Variants in SARDH observed in about 807,000 individuals in gnomAD.
SARDH encodes the protein sarcosine dehydrogenase, mitochondrial.
Under a neutral mutation model 109.1 loss-of-function variants are expected in SARDH, and 95 were observed. The ratio of observed to expected loss-of-function variants is 0.87; its 90% CI spans 0.74 to 1.03. The LOEUF (loss-of-function observed/expected upper bound fraction) is 1.03. Among genes scored for constraint, SARDH ranks in the 50% least tolerant of loss-of-function variants. SARDH has a pLI of 0.00. For synonymous variants in SARDH, 572 were observed against 534.8 expected (o/e 1.07, Z -0.96); for missense variants, 1,267 against 1,287.8 (o/e 0.98, Z 0.25).
rs967760843 is a variant in SARDH, at chr9:133,693,965, C to T, written c.1921+293G>A. Among the ~76,000 whole-genome samples, 9 of 152,188 alleles carry T rather than the reference C, an allele frequency of 5.9e-5. No homozygotes were observed. The highest frequency in any genetic ancestry group is 5.8e-4 in the East Asian group (3 of 5,192). ...GGCCTAGCATTGGTACGCTTTGTTC[C>T]GGGAAACCGAGCCGAGCACGCCCAC... On this transcript the variant is annotated intron_variant, in intron 15 of 20. Coordinates refer to ENST00000439388, the MANE Select transcript of SARDH (RefSeq NM_001134707.2). The surrounding 1 kb of genome is among the most constrained non-coding windows in gnomAD (Gnocchi z 5.6).
chr9:133,675,081 T>C (rs1289283793), intron 17 of SARDH, among the ~76,000 whole-genome samples: 3 of 152,274 alleles, frequency 2.0e-5, no homozygotes, highest in South Asian at 2.1e-4. Flanking sequence ...TGGTGGCTCA[T>C]GCCTGTAATC....
At chr9:133,708,501 G>A in intron 10 of SARDH, 73 bp from the exon 11 acceptor site, 1 of 1,518,222 alleles carries the variant, frequency 6.6e-7, no homozygotes, top group Non-Finnish European at 8.8e-7. Context: ...AGGACCCAGG[G>A]TAAGCCTGGA....
In SARDH at chr9:133,712,759, AC is replaced by A. The variant is rs1347657787; in HGVS notation, c.1238-51del. ...TGCGGTCTGCCCCCCAGGGTCCCCC[AC>A]CCATGTCCAAACATGTGCCCCCATC... On this transcript the variant is annotated intron_variant, in intron 9 of 20. Coordinates refer to ENST00000439388, the MANE Select transcript of SARDH (RefSeq NM_001134707.2). This position sits in a 1 kb window ranked among gnomAD's most constrained non-coding sequence, Gnocchi z 4.1. 6.4e-7 allele frequency: 1 copy of A among 1,551,478 alleles called. No individual in the cohort carries two copies. Among genetic ancestry groups the A allele is most frequent in the Admixed American group, 1.7e-5 (1 of 59,550 alleles).
chr9:133,709,088 A>G lies in SARDH; in HGVS notation c.1329-660T>C, dbSNP rs957035006. On this transcript the variant is annotated intron_variant, in intron 10 of 20. Transcript: ENST00000439388. The surrounding 1 kb of genome is among the most constrained non-coding windows in gnomAD (Gnocchi z 4.2). ...GCTGTGTCTGGGGAGCGGCTGCCCA[A>G]TCCAGCGCCTGGGACCGGAGATGAT... 2.0e-5 allele frequency among the ~76,000 whole-genome samples: 3 copies of G among 152,114 alleles called. No individual in the cohort carries two copies. Among genetic ancestry groups the G allele is most frequent in the South Asian group, 2.1e-4 (1 of 4,820 alleles).
Position 133,666,079 on chromosome 9 carries a change from C to G in SARDH, c.2631+656G>C, listed in dbSNP as rs1830054973. Among the ~76,000 whole-genome samples, 1 of 152,234 alleles carries G rather than the reference C, an allele frequency of 6.6e-6. No individual in the cohort carries two copies. Among genetic ancestry groups the G allele is most frequent in the African/African-American group, 2.4e-5 (1 of 41,462 alleles). On this transcript the variant is annotated intron_variant, in intron 20 of 20. Transcript: ENST00000439388. The surrounding 1 kb of genome is among the most constrained non-coding windows in gnomAD (Gnocchi z 5.2). ...ACCACCCCTGGCCACCCAGAGCTGT[C>G]CTGGGACTTGCTCCTGGGGGCAGTG...
At chr9:133,674,924 G>A (rs1056429956) in intron 17 of SARDH, among the ~76,000 whole-genome samples, 9 of 152,226 alleles carry the variant, frequency 5.9e-5, no homozygotes, top group Non-Finnish European at 1.3e-4. Flanking sequence ...CTAACAAAGA[G>A]TGAAAAGGCA....
chr9:133,676,906 A>C (rs557113137), intron 17 of SARDH, among the ~76,000 whole-genome samples: 22 of 152,332 alleles, frequency 1.4e-4, no homozygotes, highest in Non-Finnish European at 2.4e-4. Context: ...TGGGAGGCCG[A>C]GTTGGGCGGA....
At chr9:133,736,743 C>T (rs1468314741) in intron 1 of SARDH, among the ~76,000 whole-genome samples, 3 of 152,194 alleles carry the variant, frequency 2.0e-5, no homozygotes, top group African/African-American at 7.2e-5. Context: ...CACAACAGCC[C>T]TCAATGGAAG....
rs776023460 is a variant in SARDH, at chr9:133,703,021, C to G, written c.1563G>C (p.Glu521Asp). Reference sequence around the variant, plus strand: ...TCCCGTAAGCCCCGTAGTAGTCGTACTCGAGGACCTGGGAAGAAAAGACGT... The same window carrying G: ...TCCCGTAAGCCCCGTAGTAGTCGTAGTCGAGGACCTGGGAAGAAAAGACGT... ...FHPRGPAPVL[E>D]YDYYGAYGSR... is the part of the protein sequence containing the mutation. Residue 521 changes from glutamate (E) to aspartate (D), a missense_variant, in exon 13 of 21, where the codon GAG becomes GAC. Transcript: ENST00000439388. The G allele has an allele frequency of 3.1e-6, 5 of 1,612,994 alleles. No homozygotes were observed. The highest frequency in any genetic ancestry group is 1.7e-5 in the Admixed American group (1 of 59,998).
rs766030317 is a variant in SARDH, at chr9:133,664,060, C to A, written c.2632-46G>T. The A allele has an allele frequency of 1.2e-4, 187 of 1,602,348 alleles. No individual in the cohort carries two copies. In the East Asian group the frequency reaches 4.1e-3, roughly 35 times the overall value. On this transcript the variant is annotated intron_variant, in intron 20 of 20. Transcript: ENST00000439388. ...GAGGATCACTCTCTGTTGGTAGGTA[C>A]AGGGCTCACGTCTGCCTGCTTCTCT...
chr9:133,694,160 C>T (rs960453842), intron 15 of SARDH, 98 bp downstream of exon 15: 34 of 860,070 alleles, frequency 4.0e-5, no homozygotes, highest in African/African-American at 5.1e-5. Context: ...ACAGAGCTGC[C>T]GTCAGCAGCC....
intron 6 of SARDH, among the ~76,000 whole-genome samples, chr9:133,720,750 T>C (rs1473660171): frequency 6.6e-6 from 1 of 152,200 alleles, no homozygotes; most frequent in Non-Finnish European, 1.5e-5. Flanking sequence ...CACCCCATGA[T>C]TCAATTATCT....
At chr9:133,679,668 T>C (rs945434178) in intron 17 of SARDH, among the ~76,000 whole-genome samples, 1 of 152,246 alleles carries the variant, frequency 6.6e-6, no homozygotes, top group Non-Finnish European at 1.5e-5. Flanking sequence ...GTCTGCTGGC[T>C]GCTGAGCGGA....
rs1000618769 is a variant in SARDH at position 133,709,836 on chromosome 9, T to G, written c.1329-1408A>C. The stretch of plus-strand genomic sequence containing the variant: ...CTGAGGCTCGGAAGGGTCTCACAAG[T>G]GTTCACAGTCACACGGCAAGGCCAC... On this transcript the variant is annotated intron_variant, in intron 10 of 20. Coordinates refer to ENST00000439388, the MANE Select transcript of SARDH (RefSeq NM_001134707.2). This position sits in a 1 kb window ranked among gnomAD's most constrained non-coding sequence, Gnocchi z 4.2. Among the ~76,000 whole-genome samples the G allele has an allele frequency of 6.6e-6, 1 of 151,916 alleles. No individual in the cohort carries two copies. Among genetic ancestry groups the G allele is most frequent in the African/African-American group, 2.4e-5 (1 of 41,326 alleles).
chr9:133,662,768 T>A (rs1029313101), downstream of SARDH, among the ~76,000 whole-genome samples: 2 of 152,132 alleles, frequency 1.3e-5, no homozygotes, highest in Non-Finnish European at 2.9e-5. This position sits in a 1 kb window ranked among gnomAD's most constrained non-coding sequence, Gnocchi z 5.1. Context: ...CCCTCAAGCA[T>A]CTGCCTCCCG....
In SARDH at chr9:133,713,036, A is replaced by T. The variant is rs1323403646; in HGVS notation, c.1237+2T>A. 6.2e-7 allele frequency: 1 copy of T among 1,609,578 alleles called. No homozygotes were observed. The highest frequency in any genetic ancestry group is 8.5e-7 in the Non-Finnish European group (1 of 1,178,640). On this transcript the variant is annotated splice_donor_variant, in intron 9 of 20. Transcript: ENST00000439388. LOFTEE classifies it high-confidence loss of function. ...GCCAGGAGGGCTGCTGCCCGGACTC[A>T]CCTGCGCTGTTGAAGCCACAGCCCA...
Sources: allele counts gnomAD v4.1 joint callset (sites outside exome capture counted in the v4.1 genomes callset), GRCh38; gene constraint gnomAD v4.1.1; non-coding constraint Gnocchi (gnomAD v3.1); transcripts MANE v1.5; gene names NCBI Gene and HGNC (gene_info 2026-07-23, HGNC 2026-07-21).